ECHDC1: variants seen among roughly 807,000 people sequenced by gnomAD.
ECHDC1 encodes the protein ethylmalonyl-CoA decarboxylase.
ECHDC1 carries 29 observed loss-of-function variants against 29.7 expected under a neutral mutation model. The ratio of observed to expected loss-of-function variants is 0.98; its 90% confidence interval spans 0.73 to 1.33. The LOEUF is 1.33. ECHDC1 is among the 40% of genes most tolerant of loss of function. The pLI is 0.00. For missense variants in ECHDC1, 328 were observed against 350.0 expected, an observed-to-expected ratio of 0.94 and a Z score of 0.50; for synonymous variants, 126 against 123.1, an observed-to-expected ratio of 1.02 and a Z score of -0.15.
intron 2 of ECHDC1, among the ~76,000 whole-genome samples, chr6:127,328,337 T>C (rs1364806592): frequency 6.6e-6 from 1 of 152,226 alleles, no homozygotes; most frequent in African/African-American, 2.4e-5. Flanking sequence ...TGTAATGTAG[T>C]ACAATGAATT....
At chr6:127,321,508 A>G (rs1782822386) in intron 3 of ECHDC1, among the ~76,000 whole-genome samples, 1 of 152,218 alleles carries the variant, frequency 6.6e-6, no homozygotes, top group African/African-American at 2.4e-5. Flanking sequence ...AACTTTACAT[A>G]AACTATTTCT....
At chr6:127,314,768 G>C in intron 5 of ECHDC1, 48 bp downstream of exon 5, 1 of 1,439,544 alleles carries the variant, frequency 6.9e-7, no homozygotes, top group East Asian at 2.3e-5. Context: ...ATGAATTTGA[G>C]CAAGTTAATT....
At chr6:127,295,338 T>C (rs1423585969) in intron 5 of ECHDC1, among the ~76,000 whole-genome samples, 2 of 152,156 alleles carry the variant, frequency 1.3e-5, no homozygotes, top group Non-Finnish European at 2.9e-5. Flanking sequence ...GTTATTTATA[T>C]TGATGAAAAC....
At chr6:127,313,459 C>T (rs2114613323) in intron 5 of ECHDC1, 2 of 394,046 alleles carry the variant, frequency 5.1e-6, no homozygotes, top group South Asian at 1.8e-5. Flanking sequence ...TATTTCAGCC[C>T]CCCAAAATGC....
chr6:127,306,519 A>AT (rs1010408413), intron 5 of ECHDC1, among the ~76,000 whole-genome samples: 1 of 151,982 alleles, frequency 6.6e-6, no homozygotes, highest in Non-Finnish European at 1.5e-5. Context: ...TTCTCATGAG[A>AT]TTTTGTTTAA....
intron 3 of ECHDC1, chr6:127,326,628 A>G (rs1783363104): frequency 4.9e-6 from 2 of 407,572 alleles, no homozygotes; most frequent in Admixed American, 2.7e-5. Context: ...AAAGAAATCA[A>G]TACACTTAAA....
chr6:127,311,832 T>C (rs894988169), intron 5 of ECHDC1, among the ~76,000 whole-genome samples: 1 of 148,924 alleles, frequency 6.7e-6, no homozygotes, highest in African/African-American at 2.5e-5. Context: ...AAAAACTGAA[T>C]GAGGTCTGTA....
At chr6:127,330,330 G>A (rs925802527) in intron 2 of ECHDC1, among the ~76,000 whole-genome samples, 3 of 152,130 alleles carry the variant, frequency 2.0e-5, no homozygotes, top group South Asian at 2.1e-4. Context: ...GACAAGTGCC[G>A]TGTTTCTTCT....
intron 3 of ECHDC1, among the ~76,000 whole-genome samples, chr6:127,325,448 T>G (rs1013459118): frequency 6.6e-6 from 1 of 152,164 alleles, no homozygotes; most frequent in Admixed American, 6.5e-5. Context: ...TGTTGAATTA[T>G]GACTAACAGG....
intron 2 of ECHDC1, 101 bp from the exon 3 acceptor site, chr6:127,327,245 T>C (rs951370604): frequency 4.6e-6 from 6 of 1,293,388 alleles, no homozygotes; most frequent in Non-Finnish European, 4.2e-6. Flanking sequence ...TTAGGTCCTA[T>C]ATTTTATAAA....
chr6:127,329,705 G>A (rs1392428524), intron 2 of ECHDC1: 1 of 295,160 alleles, frequency 3.4e-6, no homozygotes, highest in Non-Finnish European at 6.7e-6. Context: ...GTGACATATT[G>A]AAAAAAATAT....
chr6:127,307,638 C>A (rs1364280153), intron 5 of ECHDC1, among the ~76,000 whole-genome samples: 4 of 22,262 alleles, frequency 1.8e-4, no homozygotes, highest in Non-Finnish European at 5.1e-4. Flanking sequence ...CAGAGTGATA[C>A]TCTGTCTCAG....
At chr6:127,308,780 A>G (rs1176159849) in intron 5 of ECHDC1, among the ~76,000 whole-genome samples, 2 of 152,178 alleles carry the variant, frequency 1.3e-5, no homozygotes, top group African/African-American at 4.8e-5. Flanking sequence ...TAAAAAATCA[A>G]CATACAAAAA....
chr6:127,331,792 C>G (rs1379024569), intron 1 of ECHDC1: 1 of 980,024 alleles, frequency 1.0e-6, no homozygotes, highest in Non-Finnish European at 1.2e-6. Flanking sequence ...AGCAATCCCA[C>G]TCTCTAACAG....
intron 5 of ECHDC1, among the ~76,000 whole-genome samples, chr6:127,310,626 G>A (rs1446445970): frequency 6.6e-6 from 1 of 152,192 alleles, no homozygotes; most frequent in Non-Finnish European, 1.5e-5. Context: ...GGTTTCTTAA[G>A]ATGGAATTTA....
intron 2 of ECHDC1, among the ~76,000 whole-genome samples, chr6:127,330,585 G>A (rs1430395685): frequency 6.6e-6 from 1 of 152,052 alleles, no homozygotes; most frequent in Non-Finnish European, 1.5e-5. Flanking sequence ...ATCAATATCT[G>A]TATTAATGAG....
At chr6:127,330,348 T>C (rs376893762) in intron 2 of ECHDC1, among the ~76,000 whole-genome samples, 1 of 152,208 alleles carries the variant, frequency 6.6e-6, no homozygotes, top group Admixed American at 6.5e-5. Context: ...TCTGTAACCA[T>C]GGAATTAAAA....
chr6:127,310,856 T>C (rs1313528690), intron 5 of ECHDC1, among the ~76,000 whole-genome samples: 1 of 152,026 alleles, frequency 6.6e-6, no homozygotes, highest in East Asian at 1.9e-4. Context: ...TCCACCTCAA[T>C]CATCAGGAAG....
rs1247208558 is a variant in ECHDC1, at chr6:127,288,845, T to TCAA, written c.*1021_*1023dup. Reference sequence around the variant, plus strand: ...GTCTGTCTAACCATATTTTCCTAACTCAACAGTAGGATCATGATGGTAAGG... The same window carrying TCAA: ...GTCTGTCTAACCATATTTTCCTAACTCAACAACAGTAGGATCATGATGGTAAGG... On this transcript the variant is annotated 3_prime_UTR_variant, in exon 6 of 6. Coordinates refer to ENST00000454859, the MANE Select transcript of ECHDC1 (RefSeq NM_001002030.2). The TCAA allele has an allele frequency of 6.6e-5, 10 of 152,032 alleles. No homozygotes were observed. Among genetic ancestry groups the TCAA allele is most frequent in the Admixed American group, 2.0e-4 (3 of 15,252 alleles). 9.4% of individuals were successfully genotyped at this position (152,032 alleles called of 1,614,324 possible). A position where few individuals can be genotyped will look rare whatever the true frequency, so the allele number is the denominator to read the frequency against.
Sources: gnomAD v4.1 joint callset for allele counts (sites outside exome capture counted in the v4.1 genomes callset) on GRCh38, gnomAD v4.1.1 for gene constraint, MANE v1.5 for transcripts, NCBI Gene and HGNC (gene_info 2026-07-23, HGNC 2026-07-21) for gene names.